Variants in TTK observed in about 807,000 individuals in gnomAD.
TTK encodes the protein dual specificity protein kinase TTK.
TTK carries 59 observed loss-of-function variants against 117.3 expected under a neutral mutation model. That is an observed-to-expected ratio of 0.50 (90% CI 0.41 to 0.62). The LOEUF is 0.62. TTK is among the 20% of genes least tolerant of loss of function. The pLI is 0.00. For missense variants in TTK, 921 were observed against 989.4 expected (o/e 0.93, Z 0.93); for synonymous variants, 302 against 325.0 (o/e 0.93, Z 0.76).
chr6:80,015,531 A>G (rs1258601138), intron 10 of TTK, among the ~76,000 whole-genome samples: 1 of 152,156 alleles, frequency 6.6e-6, no homozygotes, highest in African/African-American at 2.4e-5. Context: ...TGAAAGTCCA[A>G]TATCCCAAGA....
At chr6:80,008,553 C>A in intron 4 of TTK, 61 bp downstream of exon 4, 1 of 1,416,080 alleles carries the variant, frequency 7.1e-7, no homozygotes, top group East Asian at 2.5e-5. Context: ...AACTTACTTC[C>A]TAATATTAAA....
chr6:80,024,746 G>A (rs1767561257), intron 11 of TTK, among the ~76,000 whole-genome samples: 1 of 152,188 alleles, frequency 6.6e-6, no homozygotes, highest in African/African-American at 2.4e-5. Context: ...GAAAGAAAAA[G>A]TATAGAATCT....
At chr6:80,014,672 T>C in intron 10 of TTK, 86 bp downstream of exon 10, 1 of 1,329,748 alleles carries the variant, frequency 7.5e-7, no homozygotes, top group Non-Finnish European at 1.0e-6. Flanking sequence ...CACCTAAGAA[T>C]TATGATGTGA....
At chr6:80,013,512 C>T (rs17174951) in intron 9 of TTK, 146 bp downstream of exon 9, 55 of 613,400 alleles carry the variant, frequency 9.0e-5, no homozygotes, top group Middle Eastern at 4.6e-4. Flanking sequence ...TGTGGGACTA[C>T]GAGTGGGAAG....
intron 2 of TTK, among the ~76,000 whole-genome samples, chr6:80,006,993 A>T (rs984857953): frequency 2.6e-5 from 4 of 152,178 alleles, no homozygotes; most frequent in Non-Finnish European, 5.9e-5. Context: ...TAATAACCAA[A>T]ATATCCTGAA....
At position 80,035,265 on chromosome 6, in the gene TTK, G is replaced by A. The variant is rs1767865158; in HGVS notation, c.1773-1G>A. On this transcript the variant is annotated splice_acceptor_variant, in intron 15 of 21. Transcript: ENST00000369798. LOFTEE classifies it high-confidence loss of function. ...TGTTGCTTTTATTTGTTTAATTGCAGTGAAATCACGGACCAGTACATCTAC... is the reference window on the plus strand; with the variant it reads ...TGTTGCTTTTATTTGTTTAATTGCAATGAAATCACGGACCAGTACATCTAC... 1 of 1,582,322 alleles carries A rather than the reference G, an allele frequency of 6.3e-7. No individual in the cohort carries two copies. Among genetic ancestry groups the A allele is most frequent in the Non-Finnish European group, 8.6e-7 (1 of 1,168,710 alleles).
intron 10 of TTK, among the ~76,000 whole-genome samples, chr6:80,016,708 A>T (rs1767317127): frequency 6.6e-6 from 1 of 152,180 alleles, no homozygotes. Flanking sequence ...CACTCTCCTG[A>T]AAATGCAAGA....
At chr6:80,014,375 A>G in intron 9 of TTK, 88 bp from the exon 10 acceptor site, 1 of 1,225,160 alleles carries the variant, frequency 8.2e-7, no homozygotes, top group Non-Finnish European at 1.1e-6. Flanking sequence ...CAATCCATGT[A>G]TAGATAAGAC....
intron 8 of TTK, 41 bp downstream of exon 8, chr6:80,012,021 G>A (rs1767173946): frequency 6.5e-7 from 1 of 1,528,402 alleles, no homozygotes; most frequent in Admixed American, 1.9e-5. Context: ...TGTCCGTATG[G>A]GAAGATTAAT....
Position 80,035,019 on chromosome 6 carries a change from A to G in TTK, c.1649A>G (p.Tyr550Cys), listed in dbSNP as rs1415994902. Residue 550 changes from tyrosine (Y) to cysteine (C), a missense_variant, in exon 15 of 22, where the codon TAT becomes TGT. Physicochemically the swap from Tyr to Cys is radical, Grantham distance 194. Transcript: ENST00000369798. ...FQVLNEKKQI[Y>C]AIKYVNLEEA... is the part of the protein sequence containing the mutation. ...GTGTTAAATGAAAAGAAACAGATAT[A>G]TGCTATAAAATATGTGAACTTAGAA... 3.1e-6 allele frequency: 5 copies of G among 1,589,862 alleles called. No individual in the cohort carries two copies. The South Asian group carries it at 3.5e-5, about 11-fold the overall frequency.
At position 80,035,123 on chromosome 6, in the gene TTK, A is replaced by G. The variant is rs369548504; in HGVS notation, c.1753A>G (p.Ile585Val). The change falls in exon 15 of 22, where the codon ATC becomes GTC. Residue 585 changes from isoleucine (I) to valine (V), a missense_variant. Ile to Val is a conservative substitution (Grantham distance 29). Transcript: ENST00000369798. ...LNKLQQHSDK[I>V]IRLYDYEITD... ...TAAACTACAACAACACAGTGATAAGATCATCCGACTTTATGATTAGTAAGA... is the reference window on the plus strand; with the variant it reads ...TAAACTACAACAACACAGTGATAAGGTCATCCGACTTTATGATTAGTAAGA... The G allele has an allele frequency of 1.3e-6, 2 of 1,562,018 alleles. No individual in the cohort carries two copies. The highest frequency in any genetic ancestry group is 1.4e-5 in the African/African-American group (1 of 72,086).
intron 18 of TTK, among the ~76,000 whole-genome samples, 174 bp downstream of exon 18, chr6:80,038,221 G>A (rs1210385592): frequency 6.6e-6 from 1 of 151,982 alleles, no homozygotes; most frequent in East Asian, 1.9e-4. Flanking sequence ...CCACTTATTC[G>A]TTTGTGAATT....
chr6:80,007,922 A>G lies in TTK; in HGVS notation c.253A>G (p.Asn85Asp). The G allele has an allele frequency of 1.2e-6, 2 of 1,613,650 alleles. No individual in the cohort carries two copies. The highest frequency in any genetic ancestry group is 1.7e-6 in the Non-Finnish European group (2 of 1,179,676). ...TGTTCCGCTAAGTGATGCTCTTTTA[A>G]ATAAATTGATTGGTCGTTACAGTCA... ...NSVPLSDALL[N>D]KLIGRYSQAI... Residue 85 changes from asparagine (N) to aspartate (D), a missense_variant, in exon 3 of 22, where the codon AAT becomes GAT. Transcript: ENST00000369798.
At chr6:80,035,589 C>T (rs642745) in intron 16 of TTK, among the ~76,000 whole-genome samples, 172 bp downstream of exon 16, 93,909 of 151,882 alleles carry the variant, frequency 0.62, 29,469 homozygotes, top group Admixed American at 0.73. Flanking sequence ...CTTAAAACAC[C>T]GTTAACCCAA....
At chr6:80,013,480 G>T (rs1767220660) in intron 9 of TTK, 114 bp downstream of exon 9, 3 of 847,448 alleles carry the variant, frequency 3.5e-6, no homozygotes, top group African/African-American at 1.8e-5. Flanking sequence ...ATCTCCAACA[G>T]TGTTCCACAT....
chr6:80,033,934 G>C (rs1582111254), intron 14 of TTK, among the ~76,000 whole-genome samples: 1 of 152,100 alleles, frequency 6.6e-6, no homozygotes, highest in East Asian at 1.9e-4. Flanking sequence ...CTTAATAGAG[G>C]TATTTATTTA....
chr6:80,008,109 C>T, intron 3 of TTK, 78 bp downstream of exon 3: 1 of 1,458,394 alleles, frequency 6.9e-7, no homozygotes, highest in Non-Finnish European at 9.2e-7. Flanking sequence ...AAATAAAAAA[C>T]ATGGCAGTAT....
chr6:80,035,404 A>G lies in TTK; in HGVS notation c.1911A>G (p.Thr637=). The change falls in exon 16 of 22, where the codon ACA becomes ACG. Residue 637 remains threonine, a synonymous_variant. Transcript: ENST00000369798. ...YWKNMLEAVH[T]IHQHGIVHSD... The stretch of plus-strand genomic sequence containing the variant: ...AAAATATGTTAGAGGCAGTTCACAC[A>G]ATCCATCAACATGGTATTTAACAGT... The G allele has an allele frequency of 6.2e-7, 1 of 1,604,910 alleles. No homozygotes were observed. Among genetic ancestry groups the G allele is most frequent in the Non-Finnish European group, 8.5e-7 (1 of 1,177,262 alleles).
intron 17 of TTK, among the ~76,000 whole-genome samples, chr6:80,036,956 A>G (rs113747345): frequency 1.6e-3 from 238 of 152,186 alleles, no homozygotes; most frequent in Non-Finnish European, 2.4e-3. Flanking sequence ...TTCACTGTCT[A>G]TGAGGTAAGA....
Sources: allele counts gnomAD v4.1 joint callset (sites outside exome capture counted in the v4.1 genomes callset), GRCh38; gene constraint gnomAD v4.1.1; transcripts MANE v1.5; gene names NCBI Gene and HGNC (gene_info 2026-07-23, HGNC 2026-07-21).